PTPRC: variants seen among roughly 807,000 people sequenced by gnomAD.
PTPRC encodes receptor-type tyrosine-protein phosphatase C.
In PTPRC, 44 loss-of-function variants were observed where a neutral mutation model predicts 155.9. That is an observed-to-expected ratio of 0.28 (90% CI 0.22 to 0.36). PTPRC has a LOEUF of 0.36. Ranked by LOEUF, PTPRC falls within the 10% of genes least tolerant of loss-of-function variation. The pLI is 1.00. For synonymous variants in PTPRC, 525 were observed against 533.1 expected (o/e 0.98, Z 0.21); for missense variants, 1,401 against 1,564.6 (o/e 0.90, Z 1.76).
chr1:198,747,960 G>C (rs1655209035), intron 26 of PTPRC, 149 bp from the exon 27 acceptor site: 1 of 1,179,692 alleles, frequency 8.5e-7, no homozygotes, highest in East Asian at 2.6e-5. Context: ...AAAAAAATCA[G>C]AGGCAAACCG....
chr1:198,687,284 C>T (rs897929492), intron 2 of PTPRC, among the ~76,000 whole-genome samples: 2 of 152,268 alleles, frequency 1.3e-5, no homozygotes, highest in Admixed American at 1.3e-4. Flanking sequence ...TTGCACCTGG[C>T]CACAACCAAT....
At chr1:198,736,334 CT>C (rs1654636567) in intron 23 of PTPRC, among the ~76,000 whole-genome samples, 1 of 151,602 alleles carries the variant, frequency 6.6e-6, no homozygotes, top group East Asian at 1.9e-4. Context: ...ATTTCCACCC[CT>C]GCCATACCCT....
At position 198,756,201 on chromosome 1, in the gene PTPRC, A is replaced by G. The variant is rs1379480160; in HGVS notation, c.*20A>G. The G allele has an allele frequency of 2.5e-6, 4 of 1,612,460 alleles. No homozygotes were observed. The highest frequency in any genetic ancestry group is 1.1e-5 in the South Asian group (1 of 91,052). ...TCATAGGAAAAGACATAAATGAGGAAACTCCAAACCTCCTGTTAGCTGTTA... is the reference window on the plus strand; with the variant it reads ...TCATAGGAAAAGACATAAATGAGGAGACTCCAAACCTCCTGTTAGCTGTTA... On this transcript the variant is annotated 3_prime_UTR_variant, in exon 33 of 33. Coordinates refer to ENST00000442510, the MANE Select transcript of PTPRC (RefSeq NM_002838.5).
rs543577032 is a variant in PTPRC, at chr1:198,676,936, A to G, written c.74-15411A>G. On this transcript the variant is annotated intron_variant, in intron 2 of 32. Coordinates refer to ENST00000442510, the MANE Select transcript of PTPRC (RefSeq NM_002838.5). The stretch of plus-strand genomic sequence containing the variant: ...GTAGGCATATTTAGATTCTTACCCT[A>G]TTCATAATTAACAATAAAATAAGAT... Among the ~76,000 whole-genome samples the G allele has an allele frequency of 1.0e-3, 153 of 152,220 alleles. 1 individual carries two copies. Among genetic ancestry groups the G allele is most frequent in the Admixed American group, 7.9e-4 (12 of 15,282 alleles).
intron 2 of PTPRC, among the ~76,000 whole-genome samples, chr1:198,673,641 C>T (rs543998582): frequency 2.0e-5 from 3 of 152,230 alleles, no homozygotes; most frequent in Admixed American, 6.5e-5. Context: ...GAGGCATAAT[C>T]AGTTTACTAT....
intron 29 of PTPRC, 146 bp downstream of exon 29, chr1:198,750,772 C>T: frequency 9.3e-7 from 1 of 1,070,518 alleles, no homozygotes; most frequent in East Asian, 2.5e-5. Context: ...ACCCCTTTCA[C>T]CCTGGTGTTG....
At chr1:198,727,114 G>A (rs2102470352) in intron 15 of PTPRC, among the ~76,000 whole-genome samples, 1 of 152,186 alleles carries the variant, frequency 6.6e-6, no homozygotes. Flanking sequence ...ACACGCCTCG[G>A]CCTCCCAAAG....
At position 198,722,297 on chromosome 1, in the gene PTPRC, T is replaced by C. The variant is rs1361325774; in HGVS notation, c.1660-119T>C. On this transcript the variant is annotated intron_variant, in intron 14 of 32. Coordinates refer to ENST00000442510, the MANE Select transcript of PTPRC (RefSeq NM_002838.5). ...AGTTTAAAGCAAATCAGCATACTTT[T>C]ATTGTATGCATGGTATGAAAGATAA... 1.8e-5 allele frequency: 7 copies of C among 398,906 alleles called. No individual in the cohort carries two copies. In the East Asian group the frequency reaches 4.1e-4, roughly 23 times the overall value. 24.7% of individuals were successfully genotyped at this position (398,906 alleles called of 1,614,324 possible).
In PTPRC at chr1:198,642,907, CCTTTCTTT is replaced by C. The variant is rs550706909; in HGVS notation, c.73+3623_73+3630del. Among the ~76,000 whole-genome samples the C allele has an allele frequency of 3.1e-3, 288 of 93,766 alleles. 4 individuals are homozygous for C. Among genetic ancestry groups the C allele is most frequent in the African/African-American group, 8.8e-3 (215 of 24,322 alleles). The allele number at this position is 93,766 out of a possible 152,430, so 61.5% of individuals were successfully genotyped here. On this transcript the variant is annotated intron_variant, in intron 2 of 32. Coordinates refer to ENST00000442510, the MANE Select transcript of PTPRC (RefSeq NM_002838.5). Reference sequence around the variant, plus strand: ...ATCTTTTTTCTTTTCTTTCTTTCTTCCTTTCTTTCTTTCTTTCTTTCTTTCTTTCTTTC... The same window carrying C: ...ATCTTTTTTCTTTTCTTTCTTTCTTCCTTTCTTTCTTTCTTTCTTTCTTTC...
At chr1:198,659,465 AC>A (rs1388590602) in intron 2 of PTPRC, among the ~76,000 whole-genome samples, 4 of 152,298 alleles carry the variant, frequency 2.6e-5, no homozygotes, top group African/African-American at 9.6e-5. Flanking sequence ...TTTTGAGGAC[AC>A]GATAGTTCGG....
chr1:198,680,549 G>C (rs1360839637), intron 2 of PTPRC, among the ~76,000 whole-genome samples: 2 of 151,718 alleles, frequency 1.3e-5, no homozygotes, highest in African/African-American at 4.8e-5. Flanking sequence ...AAAGTGAATC[G>C]TAAAGACTTT....
At chr1:198,745,763 A>AAACG (rs1655110123) in intron 26 of PTPRC, among the ~76,000 whole-genome samples, 1 of 151,746 alleles carries the variant, frequency 6.6e-6, no homozygotes, top group African/African-American at 2.4e-5. Flanking sequence ...ATAGTGAGGC[A>AAACG]AACGAGTTGA....
At chr1:198,705,123 T>C (rs1404968227) in intron 8 of PTPRC, among the ~76,000 whole-genome samples, 1 of 152,068 alleles carries the variant, frequency 6.6e-6, no homozygotes, top group Non-Finnish European at 1.5e-5. Context: ...TGTCTCTCTT[T>C]TTTTTTTTCT....
chr1:198,732,647 A>G (rs1354279117), intron 20 of PTPRC, 91 bp downstream of exon 20: 2 of 1,045,342 alleles, frequency 1.9e-6, no homozygotes, highest in Admixed American at 2.1e-5. Context: ...TATTAAAAAT[A>G]TTTTGAAGTG....
intron 11 of PTPRC, among the ~76,000 whole-genome samples, chr1:198,712,470 A>G (rs1400859352): frequency 6.6e-6 from 1 of 152,202 alleles, no homozygotes; most frequent in East Asian, 1.9e-4. Flanking sequence ...TGTATCTCAA[A>G]TGGGTACATT....
chr1:198,722,367 A>AT, intron 14 of PTPRC, 49 bp from the exon 15 acceptor site: 1 of 891,062 alleles, frequency 1.1e-6, no homozygotes, highest in Non-Finnish European at 1.6e-6. Flanking sequence ...TATATATATA[A>AT]ATTCACATTA....
intron 2 of PTPRC, among the ~76,000 whole-genome samples, chr1:198,671,956 T>C (rs1483432318): frequency 6.6e-6 from 1 of 152,260 alleles, no homozygotes; most frequent in African/African-American, 2.4e-5. Context: ...TCCATATCTC[T>C]GCATTTTTCT....
At chr1:198,704,545 C>T in intron 8 of PTPRC, 47 bp downstream of exon 8, 1 of 1,613,722 alleles carries the variant, frequency 6.2e-7, no homozygotes, top group Non-Finnish European at 8.5e-7. Context: ...TGGAATAGCA[C>T]TTTAATTACA....
At chr1:198,752,180 AAG>A in intron 29 of PTPRC, 67 bp from the exon 30 acceptor site, 1 of 1,514,418 alleles carries the variant, frequency 6.6e-7, no homozygotes, top group Non-Finnish European at 9.2e-7. Flanking sequence ...GAAAGGGAGA[AAG>A]AGGGAGACTG....
Sources: gnomAD v4.1 joint callset for allele counts (sites outside exome capture counted in the v4.1 genomes callset) on GRCh38, gnomAD v4.1.1 for gene constraint, MANE v1.5 for transcripts, NCBI Gene and HGNC (gene_info 2026-07-23, HGNC 2026-07-21) for gene names.